WNK1: variants seen among roughly 807,000 people sequenced by gnomAD.
WNK1 encodes the protein WNK lysine deficient protein kinase 1.
A neutral mutation model predicts 222.8 loss-of-function variants in WNK1; 38 were observed. That is an observed-to-expected ratio of 0.17 (90% CI 0.13 to 0.22). The LOEUF (loss-of-function observed/expected upper bound fraction) is 0.22. Ranked by LOEUF, WNK1 falls within the 10% of genes least tolerant of loss-of-function variation. The pLI is 1.00. For missense variants in WNK1, 2,348 were observed against 2,918.4 expected, an observed-to-expected ratio of 0.80 and a Z score of 4.50; for synonymous variants, 1,090 against 1,092.9, an observed-to-expected ratio of 1.00 and a Z score of 0.05.
chr12:836,297 T>C (rs79835091), intron 4 of WNK1, among the ~76,000 whole-genome samples: 10,306 of 152,276 alleles, frequency 0.068, 410 homozygotes, highest in African/African-American at 0.086. Flanking sequence ...TGAGCCTTAA[T>C]TTCCTCATAT....
intron 8 of WNK1, chr12:867,992 A>G (rs761752668): frequency 6.2e-7 from 1 of 1,613,972 alleles, no homozygotes; most frequent in Non-Finnish European, 8.5e-7. Context: ...GAAAGTAGCC[A>G]TTTCCCAGCG....
intron 1 of WNK1, among the ~76,000 whole-genome samples, chr12:775,294 CAAT>C (rs746964927): frequency 3.3e-5 from 5 of 152,140 alleles, no homozygotes; most frequent in Non-Finnish European, 7.4e-5. Flanking sequence ...TTACTGAATA[CAAT>C]GAGATAAATG....
intron 4 of WNK1, among the ~76,000 whole-genome samples, chr12:842,609 G>T (rs1990021): frequency 6.6e-6 from 1 of 151,938 alleles, no homozygotes; most frequent in Non-Finnish European, 1.5e-5. Context: ...GGTGTAGTCC[G>T]TAAAATGTTT....
intron 9 of WNK1, among the ~76,000 whole-genome samples, chr12:872,304 C>T (rs998030123): frequency 3.0e-4 from 45 of 151,806 alleles, no homozygotes; most frequent in African/African-American, 9.0e-4. Context: ...TTTTGTATTA[C>T]GTTCTACTTA....
chr12:779,761 G>A (rs1472660743), intron 1 of WNK1, among the ~76,000 whole-genome samples: 1 of 152,152 alleles, frequency 6.6e-6, no homozygotes, highest in East Asian at 1.9e-4. Flanking sequence ...TGACTGGACT[G>A]TGAAATTAAA....
At chr12:897,735 T>C (rs1212313392) in intron 25 of WNK1, 54 bp downstream of exon 25, 14 of 1,560,282 alleles carry the variant, frequency 9.0e-6, no homozygotes, top group Non-Finnish European at 1.1e-5. Flanking sequence ...TGTTTCTGTC[T>C]CCAGCTGTAT....
Position 753,410 on chromosome 12 carries a change from C to T in WNK1, c.-156C>T. 3.1e-6 allele frequency: 3 copies of T among 954,094 alleles called. No individual in the cohort carries two copies. The highest frequency in any genetic ancestry group is 1.6e-5 in the South Asian group (1 of 62,432). The allele number at this position is 954,094 out of a possible 1,614,324, so 59.1% of individuals were successfully genotyped here. A position where few individuals can be genotyped will look rare whatever the true frequency, so the allele number is the denominator to read the frequency against. ...TGGGCCCAGCGGTCCGCCTGTCCCTCGTTGCGGCTTGTCGGTGCTGAGTGA... is the reference window on the plus strand; with the variant it reads ...TGGGCCCAGCGGTCCGCCTGTCCCTTGTTGCGGCTTGTCGGTGCTGAGTGA... On this transcript the variant is annotated 5_prime_UTR_variant, in exon 1 of 28. Transcript: ENST00000315939. This position sits in a 1 kb window ranked among gnomAD's most constrained non-coding sequence, Gnocchi z 5.2.
intron 1 of WNK1, among the ~76,000 whole-genome samples, chr12:755,955 C>CT: frequency 6.6e-6 from 1 of 152,308 alleles, no homozygotes; most frequent in South Asian, 2.1e-4. Flanking sequence ...AGCGTGGTGA[C>CT]AGAGCGAGAC....
Position 884,370 on chromosome 12 carries a change from T to A in WNK1, c.3844+127T>A, listed in dbSNP as rs770846984. ...AAAAAAGAATAGAAAACTGAAGTTA[T>A]AACCAACAGATAAACATATGGGAGA... is the stretch of plus-strand genomic sequence containing the variant. On this transcript the variant is annotated intron_variant, in intron 18 of 27. Transcript: ENST00000315939. This position sits in a 1 kb window ranked among gnomAD's most constrained non-coding sequence, Gnocchi z 5.6. 93 of 1,419,756 alleles carry A rather than the reference T, an allele frequency of 6.6e-5. No homozygotes were observed. Among genetic ancestry groups the A allele is most frequent in the Non-Finnish European group, 8.5e-5 (87 of 1,019,378 alleles). The allele number at this position is 1,419,756 out of a possible 1,614,324, so 87.9% of individuals were successfully genotyped here. A position where few individuals can be genotyped will look rare whatever the true frequency, so the allele number is the denominator to read the frequency against.
At chr12:849,737 G>A (rs1429521576) in intron 4 of WNK1, among the ~76,000 whole-genome samples, 6 of 151,484 alleles carry the variant, frequency 4.0e-5, no homozygotes, top group Admixed American at 3.3e-4. Context: ...CCCACAACAG[G>A]CCCCGGTGTG....
At chr12:866,997 CG>C (rs1424249921) in intron 8 of WNK1, among the ~76,000 whole-genome samples, 1 of 152,060 alleles carries the variant, frequency 6.6e-6, no homozygotes, top group African/African-American at 2.4e-5. Flanking sequence ...GTGGCGCACG[CG>C]TGTAGTCCCA....
At chr12:881,283 A>G (rs958750451) in intron 12 of WNK1, among the ~76,000 whole-genome samples, 10 of 152,168 alleles carry the variant, frequency 6.6e-5, no homozygotes, top group Non-Finnish European at 1.2e-4. Context: ...TCCTTTCACA[A>G]ACTTTTTCCA....
rs746168701 is a variant in WNK1 at position 896,577 on chromosome 12, A to G, written c.6090A>G (p.Pro2030=). 6 of 1,612,028 alleles carry G rather than the reference A, an allele frequency of 3.7e-6. No individual in the cohort carries two copies. The South Asian group carries it at 6.6e-5, about 18-fold the overall frequency. The stretch of plus-strand genomic sequence containing the variant: ...ATGTGGATGATGGTTCCGGTAGTCC[A>G]CACTCGCCCCATCAGCTGAGCTCAA... ...SRDVDDGSGS[P]HSPHQLSSKS... Residue 2030 remains proline, a synonymous_variant, in exon 24 of 28, where the codon CCA becomes CCG. Coordinates refer to ENST00000315939, the MANE Select transcript of WNK1 (RefSeq NM_018979.4).
intron 22 of WNK1, 95 bp downstream of exon 22, chr12:890,608 A>G: frequency 8.0e-7 from 1 of 1,257,600 alleles, no homozygotes; most frequent in Non-Finnish European, 1.2e-6. Flanking sequence ...ATTTCCACGT[A>G]TTTGATAACT....
intron 26 of WNK1, among the ~76,000 whole-genome samples, chr12:905,365 C>G (rs1195699154): frequency 6.6e-6 from 1 of 152,130 alleles, no homozygotes; most frequent in Non-Finnish European, 1.5e-5. Flanking sequence ...CATGGTTTCT[C>G]TTTCCTCATA....
intron 1 of WNK1, among the ~76,000 whole-genome samples, chr12:802,916 A>G (rs939718761): frequency 6.6e-6 from 1 of 152,208 alleles, no homozygotes; most frequent in African/African-American, 2.4e-5. Context: ...AGTTAGATGG[A>G]TATGTTCAAT....
intron 1 of WNK1, among the ~76,000 whole-genome samples, chr12:771,974 T>C (rs1942561114): frequency 6.6e-6 from 1 of 152,162 alleles, no homozygotes; most frequent in Non-Finnish European, 1.5e-5. Context: ...CTTACTTTTT[T>C]TTTTTGCATA....
chr12:907,876 A>G lies in WNK1; in HGVS notation c.6673A>G (p.Thr2225Ala), dbSNP rs1028997187. 1.2e-6 allele frequency: 2 copies of G among 1,614,034 alleles called. No individual in the cohort carries two copies. ...GTSSTNTVGA[T>A]VNSQAAQAQP... ...CAGCAGCACAAACACTGTTGGGGCAACAGTGAACAGCCAAGCCGCCCAAGC... is the reference window on the plus strand; with the variant it reads ...CAGCAGCACAAACACTGTTGGGGCAGCAGTGAACAGCCAAGCCGCCCAAGC... Residue 2225 changes from threonine to alanine, a missense_variant, in exon 27 of 28, where the codon ACA becomes GCA. Around this residue, in one of 13 missense-constraint regions of WNK1, gnomAD observed 1,144 missense variants for 1,273.6 expected, o/e 0.90. Coordinates refer to ENST00000315939, the MANE Select transcript of WNK1 (RefSeq NM_018979.4).
At chr12:886,180 A>G (rs900718915) in intron 19 of WNK1, 96 bp downstream of exon 19, 15 of 1,107,314 alleles carry the variant, frequency 1.4e-5, no homozygotes, top group Non-Finnish European at 1.9e-5. Context: ...AGTTAGAAAC[A>G]TATTTATAAA....
Sources: gnomAD v4.1 joint callset for allele counts (sites outside exome capture counted in the v4.1 genomes callset) on GRCh38, gnomAD v4.1.1 for gene constraint, gnomAD v4.1.1 regional missense constraint, Gnocchi (gnomAD v3.1) non-coding constraint, MANE v1.5 for transcripts, NCBI Gene and HGNC (gene_info 2026-07-23, HGNC 2026-07-21) for gene names.